Variants in BACH2 observed in about 807,000 individuals in gnomAD.
BACH2 encodes BACH transcriptional regulator 2.
Under a neutral mutation model 61.8 loss-of-function variants are expected in BACH2, and 5 were observed. The observed-to-expected ratio is 0.08, with a 90% CI of 0.04 to 0.17. The LOEUF (loss-of-function observed/expected upper bound fraction) is 0.17. BACH2 is among the 10% of genes least tolerant of loss of function. The pLI is 1.00. For missense variants in BACH2, 824 were observed against 1,091.1 expected (o/e 0.76, Z 3.45); for synonymous variants, 446 against 440.1 (o/e 1.01, Z -0.17).
At chr6:90,080,885 G>A in intron 5 of BACH2, 1 of 613,938 alleles carries the variant, frequency 1.6e-6, no homozygotes, top group Non-Finnish European at 2.0e-6. Context: ...AGATGTCTCA[G>A]AAAATCTTTT....
chr6:89,968,789 T>A (rs548906592), intron 6 of BACH2, among the ~76,000 whole-genome samples: 5 of 152,282 alleles, frequency 3.3e-5, no homozygotes, highest in Admixed American at 1.3e-4. Flanking sequence ...GGCTGGCCGA[T>A]CCCTTGAGGT....
rs1193249160 is a variant in BACH2, at chr6:89,997,095, T to C, written c.243+11507A>G. ...CCTCTCTCCCATGTCTAGCATCTTA[T>C]ACTGTTACAAAATCCTCCTTTAATA... On this transcript the variant is annotated intron_variant, in intron 6 of 8. Coordinates refer to ENST00000257749, the MANE Select transcript of BACH2 (RefSeq NM_021813.4). Among the ~76,000 whole-genome samples the C allele has an allele frequency of 2.0e-5, 3 of 152,128 alleles. 1 individual carries two copies. Among genetic ancestry groups the C allele is most frequent in the Admixed American group, 2.0e-4 (3 of 15,260 alleles).
chr6:90,181,023 G>A (rs983222572), intron 4 of BACH2, among the ~76,000 whole-genome samples: 3 of 152,086 alleles, frequency 2.0e-5, no homozygotes, highest in African/African-American at 7.2e-5. Context: ...TCTTCTTTGG[G>A]TAGATACCCA....
chr6:90,050,264 T>C (rs930554584), intron 5 of BACH2, among the ~76,000 whole-genome samples: 3 of 152,204 alleles, frequency 2.0e-5, no homozygotes, highest in African/African-American at 7.2e-5. Context: ...AGATTTGATG[T>C]GCAAGGCAGA....
At chr6:90,174,168 A>G (rs1461174067) in intron 4 of BACH2, among the ~76,000 whole-genome samples, 1 of 152,106 alleles carries the variant, frequency 6.6e-6, no homozygotes, top group African/African-American at 2.4e-5. Flanking sequence ...CATAAATGCA[A>G]AAATCCTGAA....
At chr6:90,026,403 T>C (rs1233014898) in intron 5 of BACH2, among the ~76,000 whole-genome samples, 1 of 152,236 alleles carries the variant, frequency 6.6e-6, no homozygotes, top group African/African-American at 2.4e-5. Flanking sequence ...TCAGTGACAA[T>C]GCTGGGCTTG....
At chr6:90,149,929 C>G (rs1003239724) in intron 4 of BACH2, among the ~76,000 whole-genome samples, 4 of 152,202 alleles carry the variant, frequency 2.6e-5, no homozygotes, top group African/African-American at 9.6e-5. Context: ...GGGAAATGGG[C>G]AGCAGACAGT....
intron 5 of BACH2, among the ~76,000 whole-genome samples, chr6:90,047,050 C>T (rs959608822): frequency 6.6e-6 from 1 of 152,174 alleles, no homozygotes; most frequent in Non-Finnish European, 1.5e-5. Flanking sequence ...CCTGCCTCAG[C>T]CTCCTGAGTA....
At chr6:90,037,383 G>A (rs1302350251) in intron 5 of BACH2, among the ~76,000 whole-genome samples, 1 of 152,222 alleles carries the variant, frequency 6.6e-6, no homozygotes, top group Non-Finnish European at 1.5e-5. Flanking sequence ...ACACAGCCCC[G>A]AGTTTTACAC....
intron 6 of BACH2, among the ~76,000 whole-genome samples, chr6:89,985,212 G>A (rs922908081): frequency 6.6e-6 from 1 of 152,316 alleles, no homozygotes; most frequent in South Asian, 2.1e-4. Context: ...AGAATTAACG[G>A]ATTAATGTTT....
intron 4 of BACH2, among the ~76,000 whole-genome samples, chr6:90,180,675 G>A (rs1161413540): frequency 6.6e-6 from 1 of 152,126 alleles, no homozygotes; most frequent in Non-Finnish European, 1.5e-5. Context: ...ATGGCCTCCA[G>A]TTCCATCCAA....
chr6:89,939,265 T>C (rs1473304286), intron 7 of BACH2, among the ~76,000 whole-genome samples: 3 of 152,176 alleles, frequency 2.0e-5, no homozygotes, highest in Non-Finnish European at 4.4e-5. Context: ...GCCAGTCATG[T>C]GAACAAGCCA....
intron 3 of BACH2, among the ~76,000 whole-genome samples, chr6:90,238,457 TA>T (rs1289840423): frequency 2.0e-5 from 3 of 152,350 alleles, no homozygotes; most frequent in East Asian, 1.9e-4. Context: ...TTATATGCTG[TA>T]AAAAATATTT....
At chr6:90,228,322 T>C (rs1389131473) in intron 3 of BACH2, among the ~76,000 whole-genome samples, 1 of 152,162 alleles carries the variant, frequency 6.6e-6, no homozygotes, top group Non-Finnish European at 1.5e-5. Flanking sequence ...TGTCTCCCAA[T>C]AGTGAGGCTG....
rs1783799464 is a variant in BACH2, at chr6:90,125,298, T to C, written c.-161-36189A>G. ...ATGCAGCTGTGTATGATCACAGCTC[T>C]GGGATCAGCCCCTACATCCTTTTCA... On this transcript the variant is annotated intron_variant, in intron 4 of 8. Coordinates refer to ENST00000257749, the MANE Select transcript of BACH2 (RefSeq NM_021813.4). Among the ~76,000 whole-genome samples the C allele has an allele frequency of 3.3e-5, 5 of 152,236 alleles. 1 individual carries two copies. In the South Asian group the frequency reaches 1.0e-3, roughly 32 times the overall value.
chr6:90,229,639 G>A (rs962913879), intron 3 of BACH2, among the ~76,000 whole-genome samples: 23 of 152,154 alleles, frequency 1.5e-4, no homozygotes, highest in African/African-American at 5.3e-4. Context: ...TTGGTGACAG[G>A]TAAAAGCAAA....
intron 2 of BACH2, among the ~76,000 whole-genome samples, chr6:90,254,284 T>C (rs1312871586): frequency 6.6e-6 from 1 of 151,982 alleles, no homozygotes. Flanking sequence ...GCATAATTTG[T>C]TCATGAAAAA....
intron 4 of BACH2, among the ~76,000 whole-genome samples, chr6:90,191,037 C>A (rs570113504): frequency 3.7e-4 from 57 of 152,342 alleles, no homozygotes; most frequent in African/African-American, 1.3e-3. Flanking sequence ...AAGAGGAGAG[C>A]TTTCTTTCAT....
intron 3 of BACH2, among the ~76,000 whole-genome samples, chr6:90,224,279 A>C (rs895331240): frequency 2.6e-5 from 4 of 152,200 alleles, no homozygotes; most frequent in African/African-American, 9.7e-5. Context: ...CCTCTAACAG[A>C]ATGTACATCA....
Sources: allele counts gnomAD v4.1 joint callset (sites outside exome capture counted in the v4.1 genomes callset), GRCh38; gene constraint gnomAD v4.1.1; transcripts MANE v1.5; gene names NCBI Gene and HGNC (gene_info 2026-07-23, HGNC 2026-07-21).